AGBL4: variants seen among roughly 807,000 people sequenced by gnomAD.
AGBL4 encodes the protein cytosolic carboxypeptidase 6.
AGBL4 carries 58 observed loss-of-function variants against 66.4 expected under a neutral mutation model. The observed-to-expected ratio is 0.87, with a 90% CI of 0.71 to 1.09. AGBL4 has a LOEUF of 1.09. Among genes scored for constraint, AGBL4 ranks in the 50% least tolerant of loss-of-function variants. The pLI is 0.00. For missense variants in AGBL4, 579 were observed against 631.0 expected (o/e 0.92, Z 0.88); for synonymous variants, 234 against 222.9 (o/e 1.05, Z -0.44).
chr1:49,196,739 T>C (rs1327510566), intron 4 of AGBL4, among the ~76,000 whole-genome samples: 1 of 152,054 alleles, frequency 6.6e-6, no homozygotes, highest in African/African-American at 2.4e-5. Flanking sequence ...TTTGGTGGGG[T>C]GAGACTTTTT....
At position 49,151,626 on chromosome 1, in the gene AGBL4, C is replaced by T. The variant is rs1403804033; in HGVS notation, c.377+94144G>A. ...TGGGGCAGTGTTGAGCAAATAAGTT[C>T]CTAAGAACACTAATTCCATAAGATA... On this transcript the variant is annotated intron_variant, in intron 4 of 13. Coordinates refer to ENST00000371839, the MANE Select transcript of AGBL4 (RefSeq NM_032785.4). 3.3e-5 allele frequency among the ~76,000 whole-genome samples: 5 copies of T among 149,986 alleles called. No homozygotes were observed. In the East Asian group the frequency reaches 9.7e-4, roughly 29 times the overall value.
chr1:49,215,281 A>C (rs1648995412), intron 4 of AGBL4, among the ~76,000 whole-genome samples: 1 of 152,146 alleles, frequency 6.6e-6, no homozygotes, highest in Admixed American at 6.6e-5. Context: ...GGCAGACACA[A>C]AGCTGAAATT....
chr1:48,710,022 A>C (rs1223965846), intron 6 of AGBL4, among the ~76,000 whole-genome samples: 4 of 152,288 alleles, frequency 2.6e-5, no homozygotes, highest in African/African-American at 9.6e-5. Flanking sequence ...AGGCACAGAG[A>C]GATTAAATAA....
At chr1:49,907,910 T>C (rs923477174) in intron 1 of AGBL4, among the ~76,000 whole-genome samples, 2 of 151,602 alleles carry the variant, frequency 1.3e-5, no homozygotes, top group African/African-American at 4.8e-5. Flanking sequence ...GGGGTGGGGG[T>C]ATGTGAGAAA....
intron 9 of AGBL4, among the ~76,000 whole-genome samples, chr1:48,625,121 C>CTTCT (rs1157180701): frequency 1.3e-5 from 2 of 148,716 alleles, no homozygotes; most frequent in African/African-American, 5.0e-5. Context: ...TCCTTCCTTC[C>CTTCT]TTCCTTCCTT....
At chr1:49,825,734 T>C (rs1645492191) in intron 2 of AGBL4, among the ~76,000 whole-genome samples, 1 of 152,164 alleles carries the variant, frequency 6.6e-6, no homozygotes, top group Non-Finnish European at 1.5e-5. Context: ...GCAGATGGCC[T>C]TCAGACCAAC....
At chr1:48,611,173 A>C (rs1326361338) in intron 9 of AGBL4, among the ~76,000 whole-genome samples, 3 of 152,244 alleles carry the variant, frequency 2.0e-5, no homozygotes, top group Non-Finnish European at 4.4e-5. Flanking sequence ...GCCCTCTGGC[A>C]GCCTGACAAA....
chr1:48,762,490 T>C (rs907810857), intron 6 of AGBL4, among the ~76,000 whole-genome samples: 5 of 152,166 alleles, frequency 3.3e-5, no homozygotes, highest in African/African-American at 4.8e-5. Context: ...ACTTTAGAGA[T>C]TGCTGTTTCT....
intron 1 of AGBL4, among the ~76,000 whole-genome samples, chr1:49,946,720 T>C (rs1228853239): frequency 6.6e-6 from 1 of 151,030 alleles, no homozygotes; most frequent in East Asian, 1.9e-4. Context: ...CAGAACTAAA[T>C]AAAATTAAAA....
In AGBL4 at chr1:49,770,598, T is replaced by C. The variant is rs114386875; in HGVS notation, c.158-73161A>G. On this transcript the variant is annotated intron_variant, in intron 2 of 13. Transcript: ENST00000371839. ...AAAGTTTGAGAATAATTGGTATTAGTTCTTCTTCAAATATTGCTAGAATTC... is the reference window on the plus strand; with the variant it reads ...AAAGTTTGAGAATAATTGGTATTAGCTCTTCTTCAAATATTGCTAGAATTC... Among the ~76,000 whole-genome samples the C allele has an allele frequency of 2.6e-3, 401 of 151,644 alleles. 1 individual carries two copies. The highest frequency in any genetic ancestry group is 4.1e-3 in the Non-Finnish European group (280 of 68,012).
At chr1:49,516,427 G>A (rs961658093) in intron 3 of AGBL4, among the ~76,000 whole-genome samples, 1 of 152,050 alleles carries the variant, frequency 6.6e-6, no homozygotes, top group South Asian at 2.1e-4. Context: ...GAGGTGTGCT[G>A]TCTCCCACAG....
At chr1:48,934,316 A>G (rs1300073585) in intron 5 of AGBL4, among the ~76,000 whole-genome samples, 1 of 152,130 alleles carries the variant, frequency 6.6e-6, no homozygotes, top group Non-Finnish European at 1.5e-5. Context: ...TGAATGAACT[A>G]GAGCATGTGG....
At chr1:49,848,292 C>T (rs187899017) in intron 2 of AGBL4, among the ~76,000 whole-genome samples, 1 of 152,174 alleles carries the variant, frequency 6.6e-6, no homozygotes, top group East Asian at 1.9e-4. Flanking sequence ...ATAGAACTAC[C>T]ATTCAATCCA....
chr1:49,098,153 A>T (rs1414007865), intron 4 of AGBL4, among the ~76,000 whole-genome samples: 1 of 152,228 alleles, frequency 6.6e-6, no homozygotes, highest in Admixed American at 6.5e-5. Context: ...TCACTCTAAG[A>T]TCATCTGTAA....
chr1:49,239,301 G>A (rs149053107), intron 4 of AGBL4, among the ~76,000 whole-genome samples: 2 of 152,160 alleles, frequency 1.3e-5, no homozygotes, highest in Non-Finnish European at 2.9e-5. Flanking sequence ...AACATTTTTG[G>A]AGAACATGTA....
chr1:49,933,746 C>G (rs1203333977), intron 1 of AGBL4, among the ~76,000 whole-genome samples: 1 of 151,772 alleles, frequency 6.6e-6, no homozygotes, highest in African/African-American at 2.4e-5. Context: ...TTTATAGACA[C>G]CTAATGACCA....
chr1:49,814,018 G>A (rs1645172010), intron 2 of AGBL4, among the ~76,000 whole-genome samples: 3 of 152,120 alleles, frequency 2.0e-5, no homozygotes. Flanking sequence ...TTTCTTGCCT[G>A]CTGCCATGTA....
chr1:49,050,199 T>C (rs1262863392), intron 4 of AGBL4, among the ~76,000 whole-genome samples: 1 of 152,112 alleles, frequency 6.6e-6, no homozygotes, highest in African/African-American at 2.4e-5. Flanking sequence ...GACATCCACA[T>C]GAATGAGGGA....
intron 6 of AGBL4, among the ~76,000 whole-genome samples, chr1:48,678,245 T>G (rs1408548151): frequency 1.3e-5 from 2 of 152,102 alleles, no homozygotes; most frequent in African/African-American, 4.8e-5. Flanking sequence ...CCCCCGCCCT[T>G]CTGCCCCACC....
Sources: allele counts gnomAD v4.1 joint callset (sites outside exome capture counted in the v4.1 genomes callset), GRCh38; gene constraint gnomAD v4.1.1; transcripts MANE v1.5; gene names NCBI Gene and HGNC (gene_info 2026-07-23, HGNC 2026-07-21).